MAPK10: variants seen among roughly 807,000 people sequenced by gnomAD.
MAPK10 encodes the protein JNK3 alpha protein kinase.
In MAPK10, 25 loss-of-function variants were observed where a neutral mutation model predicts 59.3. The ratio of observed to expected loss-of-function variants is 0.42; its 90% CI spans 0.31 to 0.59. The LOEUF (loss-of-function observed/expected upper bound fraction) is 0.59. MAPK10 is among the 20% of genes least tolerant of loss of function. The pLI is 0.15. For synonymous variants in MAPK10, 190 were observed against 200.5 expected (o/e 0.95, Z 0.44); for missense variants, 351 against 568.9 (o/e 0.62, Z 3.90).
At chr4:86,135,580 A>T (rs1197533612) in intron 4 of MAPK10, among the ~76,000 whole-genome samples, 1 of 152,168 alleles carries the variant, frequency 6.6e-6, no homozygotes, top group Non-Finnish European at 1.5e-5. Context: ...AACCACAAAG[A>T]TGGGGAAAAA....
chr4:86,149,111 A>G (rs938478523), intron 4 of MAPK10, among the ~76,000 whole-genome samples: 2 of 152,138 alleles, frequency 1.3e-5, no homozygotes, highest in African/African-American at 4.8e-5. Context: ...ACTTTGATCC[A>G]GTTCTGGCCT....
intron 2 of MAPK10, among the ~76,000 whole-genome samples, chr4:86,315,279 G>T (rs192280036): frequency 2.0e-3 from 301 of 152,044 alleles, no homozygotes; most frequent in African/African-American, 7.1e-3. Flanking sequence ...TGGAGGGGGT[G>T]GTTAATGGTA....
intron 9 of MAPK10, among the ~76,000 whole-genome samples, chr4:86,071,605 A>G (rs1377283104): frequency 6.7e-6 from 1 of 150,344 alleles, no homozygotes; most frequent in African/African-American, 2.5e-5. Flanking sequence ...TCAGCTTCCT[A>G]CATATGGCTA....
intron 2 of MAPK10, among the ~76,000 whole-genome samples, chr4:86,341,767 G>A (rs1421392064): frequency 6.1e-5 from 9 of 147,368 alleles, no homozygotes; most frequent in East Asian, 4.0e-4. Flanking sequence ...AAAGGACCCC[G>A]ATTAGGAAAA....
intron 4 of MAPK10, chr4:86,119,864 A>T (rs528825598): frequency 1.3e-5 from 2 of 152,334 alleles, no homozygotes; most frequent in Non-Finnish European, 2.9e-5. Flanking sequence ...TGGCCACTTC[A>T]CCCCAATTCA....
At chr4:86,335,380 T>G (rs1720578839) in intron 2 of MAPK10, among the ~76,000 whole-genome samples, 1 of 152,224 alleles carries the variant, frequency 6.6e-6, no homozygotes, top group South Asian at 2.1e-4. Context: ...GAAAAATAAT[T>G]TTTTAAATTT....
intron 1 of MAPK10, among the ~76,000 whole-genome samples, chr4:86,422,828 G>A (rs887846455): frequency 4.6e-5 from 7 of 152,140 alleles, no homozygotes; most frequent in Admixed American, 1.3e-4. Context: ...TTAAGATAAC[G>A]AAAAGTGGAA....
Position 86,460,866 on chromosome 4 carries a change from T to G in MAPK10, c.-262-106222A>C, listed in dbSNP as rs181986316. 1.6e-4 allele frequency among the ~76,000 whole-genome samples: 24 copies of G among 152,330 alleles called. 1 individual carries two copies. The East Asian group carries it at 4.1e-3, about 26-fold the overall frequency. ...AATCTATAGAAACAATGCTTATCAC[T>G]GGCTTACTGTCAATAAATATGTGGG... On this transcript the variant is annotated intron_variant, in intron 1 of 4. Transcript: ENST00000502302.
At chr4:86,437,355 T>C (rs1398860596) in intron 1 of MAPK10, among the ~76,000 whole-genome samples, 1 of 152,208 alleles carries the variant, frequency 6.6e-6, no homozygotes, top group Non-Finnish European at 1.5e-5. Context: ...AAATGCTTTT[T>C]TTCTTCTATT....
chr4:86,320,544 A>T (rs1024911783), intron 2 of MAPK10, among the ~76,000 whole-genome samples: 2 of 152,228 alleles, frequency 1.3e-5, no homozygotes, highest in Non-Finnish European at 2.9e-5. Flanking sequence ...TTCATTGTAG[A>T]TTCTGGATAT....
At position 86,011,523 on chromosome 4, in the gene MAPK10, T is replaced by C. The variant is rs1194944178; in HGVS notation, c.*5705A>G. The C allele has an allele frequency of 6.6e-6, 1 of 152,170 alleles. No homozygotes were observed. The highest frequency in any genetic ancestry group is 1.5e-5 in the Non-Finnish European group (1 of 68,022). The allele number at this position is 152,170 out of a possible 1,614,324, so 9.4% of individuals were successfully genotyped here. ...TTTTTTCTCCTTACTGTGAACTTGG[T>C]CAAAATTACCAAATGTTTGGTAACC... On this transcript the variant is annotated 3_prime_UTR_variant, in exon 14 of 14. Transcript: ENST00000641462.
At chr4:86,091,783 C>T (rs1035632051) in intron 9 of MAPK10, among the ~76,000 whole-genome samples, 1 of 151,882 alleles carries the variant, frequency 6.6e-6, no homozygotes, top group Admixed American at 6.6e-5. Flanking sequence ...AAGTGATTCT[C>T]TTGCATCAGC....
At chr4:86,107,445 A>G in intron 4 of MAPK10, 93 bp from the exon 5 acceptor site, 3 of 1,496,226 alleles carry the variant, frequency 2.0e-6, no homozygotes, top group Non-Finnish European at 2.7e-6. Flanking sequence ...AGAAAATGCT[A>G]TTTCGGAATC....
At chr4:86,150,495 A>G (rs1020770979) in intron 4 of MAPK10, among the ~76,000 whole-genome samples, 5 of 152,214 alleles carry the variant, frequency 3.3e-5, no homozygotes, top group Non-Finnish European at 7.3e-5. Flanking sequence ...AAAGAAGCCA[A>G]TGGATTAGCC....
At chr4:86,165,712 T>C (rs923112479) in intron 3 of MAPK10, among the ~76,000 whole-genome samples, 6 of 151,394 alleles carry the variant, frequency 4.0e-5, no homozygotes, top group African/African-American at 1.5e-4. Flanking sequence ...TATATATGAG[T>C]TTTAAAGGGG....
At chr4:86,143,236 C>A (rs1467089257) in intron 4 of MAPK10, among the ~76,000 whole-genome samples, 1 of 152,142 alleles carries the variant, frequency 6.6e-6, no homozygotes, top group African/African-American at 2.4e-5. Flanking sequence ...TCCCCATGAT[C>A]CAATGACCTC....
intron 9 of MAPK10, among the ~76,000 whole-genome samples, chr4:86,087,772 A>C (rs2052214404): frequency 6.6e-6 from 1 of 152,144 alleles, no homozygotes; most frequent in Admixed American, 6.6e-5. Flanking sequence ...TGTAGAGAGA[A>C]TATATGTATG....
At chr4:86,348,683 T>A (rs1033897707) in intron 2 of MAPK10, among the ~76,000 whole-genome samples, 1 of 152,148 alleles carries the variant, frequency 6.6e-6, no homozygotes, top group African/African-American at 2.4e-5. Flanking sequence ...AAAAAAAAAT[T>A]TATGTGCAGT....
intron 13 of MAPK10, chr4:86,023,826 T>TATATAC (rs974143899): frequency 7.2e-6 from 1 of 138,004 alleles, no homozygotes; most frequent in African/African-American, 2.8e-5. Flanking sequence ...TATATATATA[T>TATATAC]ATATATATAT....
Sources: allele counts gnomAD v4.1 joint callset (sites outside exome capture counted in the v4.1 genomes callset), GRCh38; gene constraint gnomAD v4.1.1; transcripts MANE v1.5; gene names NCBI Gene and HGNC (gene_info 2026-07-23, HGNC 2026-07-21).